MYO18B: variants seen among roughly 807,000 people sequenced by gnomAD.
MYO18B encodes the protein unconventional myosin-XVIIIb.
Under a neutral mutation model 273.0 loss-of-function variants are expected in MYO18B, and 204 were observed. That is an observed-to-expected ratio of 0.75 (90% CI 0.67 to 0.84). The LOEUF (loss-of-function observed/expected upper bound fraction) is 0.84, where lower values mean the gene tolerates loss of function less well. Ranked by LOEUF, MYO18B falls within the 40% of genes least tolerant of loss-of-function variation. The probability of loss-of-function intolerance (pLI) is 0.00; values close to 1 mark genes in which losing one functional copy is unlikely to be tolerated. For missense variants in MYO18B, 3,212 were observed against 3,287.6 expected, an observed-to-expected ratio of 0.98 and a Z score of 0.56; for synonymous variants, 1,330 against 1,305.7, an observed-to-expected ratio of 1.02 and a Z score of -0.40.
At chr22:25,867,339 GT>G (rs1487602172) in intron 21 of MYO18B, among the ~76,000 whole-genome samples, 1 of 152,070 alleles carries the variant, frequency 6.6e-6, no homozygotes, top group Non-Finnish European at 1.5e-5. Flanking sequence ...CATGAATTTG[GT>G]TACTCTAAGT....
intron 25 of MYO18B, among the ~76,000 whole-genome samples, chr22:25,878,305 A>T (rs566976149): frequency 6.6e-6 from 1 of 152,286 alleles, no homozygotes; most frequent in Admixed American, 6.5e-5. Flanking sequence ...CCTGGTTCCA[A>T]AGGGGAGAAT....
intron 10 of MYO18B, among the ~76,000 whole-genome samples, chr22:25,782,037 G>T (rs950619204): frequency 3.3e-5 from 5 of 151,544 alleles, no homozygotes; most frequent in South Asian, 4.2e-4. Flanking sequence ...ACCCTGAGCC[G>T]CGGTTTCTTC....
chr22:25,770,202 G>A, intron 5 of MYO18B, 26 bp downstream of exon 5: 4 of 1,610,378 alleles, frequency 2.5e-6, no homozygotes, highest in Non-Finnish European at 3.4e-6. Context: ...AGCACCTTTG[G>A]AGGGTCTGAG....
At chr22:25,971,241 A>G (rs903144576) in intron 39 of MYO18B, among the ~76,000 whole-genome samples, 1 of 152,234 alleles carries the variant, frequency 6.6e-6, no homozygotes, top group African/African-American at 2.4e-5. Context: ...GTAGTTGGCC[A>G]ACTCTTGCTC....
intron 28 of MYO18B, chr22:25,897,263 T>G (rs1465953703): frequency 1.3e-5 from 2 of 152,248 alleles, no homozygotes; most frequent in African/African-American, 4.8e-5. Context: ...GTGTATCTAT[T>G]CTATTCTCAA....
At chr22:25,747,885 C>T (rs1427653162) in intron 1 of MYO18B, among the ~76,000 whole-genome samples, 2 of 152,162 alleles carry the variant, frequency 1.3e-5, no homozygotes, top group Non-Finnish European at 2.9e-5. Context: ...CCCCATTTGA[C>T]AGACAGAGGA....
intron 15 of MYO18B, among the ~76,000 whole-genome samples, chr22:25,830,947 A>G (rs779064318): frequency 6.6e-5 from 10 of 152,230 alleles, no homozygotes; most frequent in Non-Finnish European, 1.3e-4. Context: ...TATTTTTCCC[A>G]TAATATTTCA....
Position 25,878,329 on chromosome 22 carries a change from C to T in MYO18B, c.4314+281C>T, listed in dbSNP as rs527854400. ...AAAGGGGAGAATTTCTTAAATAAGT[C>T]ACAAAAGCACAAATCATAGGGAAAA... On this transcript the variant is annotated intron_variant, in intron 25 of 43. Transcript: ENST00000335473. Among the ~76,000 whole-genome samples the T allele has an allele frequency of 5.3e-5, 8 of 152,148 alleles. No homozygotes were observed. The South Asian group carries it at 8.3e-4, about 16-fold the overall frequency.
chr22:25,909,847 T>C (rs1417966716), intron 32 of MYO18B, among the ~76,000 whole-genome samples: 2 of 152,092 alleles, frequency 1.3e-5, no homozygotes, highest in African/African-American at 4.8e-5. Context: ...CTGTCTGGGG[T>C]GGCAGAAAGA....
At chr22:25,822,013 A>T (rs932715776) in intron 12 of MYO18B, among the ~76,000 whole-genome samples, 1 of 152,304 alleles carries the variant, frequency 6.6e-6, no homozygotes, top group Non-Finnish European at 1.5e-5. Context: ...TTCACTTAGC[A>T]TTCAGGTGTA....
chr22:25,816,016 G>T (rs2145852477), intron 12 of MYO18B, among the ~76,000 whole-genome samples: 1 of 152,308 alleles, frequency 6.6e-6, no homozygotes, highest in East Asian at 1.9e-4. Context: ...AACCCAGTCA[G>T]GTGGAACAAT....
intron 17 of MYO18B, 25 bp from the exon 18 acceptor site, chr22:25,843,710 C>G: frequency 1.2e-6 from 2 of 1,604,962 alleles, no homozygotes; most frequent in Middle Eastern, 1.7e-4. Context: ...GGCTCCAGCA[C>G]TCATGCCACC....
chr22:25,917,491 T>C lies in MYO18B; in HGVS notation c.5365-3766T>C, dbSNP rs151155961. On this transcript the variant is annotated intron_variant, in intron 33 of 43. Transcript: ENST00000335473. ...GCCTTATTTTATTTCGCTTGATTTA[T>C]TTTAGTCAGTTTACCTGCAAGACTT... Among the ~76,000 whole-genome samples, 1,046 of 152,202 alleles carry C rather than the reference T, an allele frequency of 6.9e-3. 15 individuals carry two copies. Among genetic ancestry groups the C allele is most frequent in the African/African-American group, 0.024 (995 of 41,534 alleles).
In MYO18B at chr22:25,826,504, C is replaced by T. The variant is rs537413306; in HGVS notation, c.2786+5C>T. 2.5e-5 allele frequency: 41 copies of T among 1,611,828 alleles called. No individual in the cohort carries two copies. Among genetic ancestry groups the T allele is most frequent in the South Asian group, 1.8e-4 (16 of 90,902 alleles). On this transcript the variant is annotated splice_donor_5th_base_variant and intron_variant, in intron 14 of 43. Coordinates refer to ENST00000335473, the MANE Select transcript of MYO18B (RefSeq NM_032608.7). ...TGTGGTCTCACTCATCAACAGGTAA[C>T]GGGGCCTTTTCCTAGGCACACAGTT...
At chr22:25,997,330 AC>A (rs1933387387) in intron 40 of MYO18B, among the ~76,000 whole-genome samples, 11 of 141,070 alleles carry the variant, frequency 7.8e-5, no homozygotes, top group African/African-American at 1.4e-4. Context: ...AAAAAAAAAA[AC>A]GAAGGAAAAA....
intron 40 of MYO18B, among the ~76,000 whole-genome samples, chr22:25,997,010 A>C (rs576133935): frequency 6.6e-6 from 1 of 152,266 alleles, no homozygotes; most frequent in Non-Finnish European, 1.5e-5. Flanking sequence ...CGTCATTTGT[A>C]GGGTTCAGTG....
chr22:26,015,470 A>G (rs1447253959), intron 42 of MYO18B, among the ~76,000 whole-genome samples: 1 of 152,366 alleles, frequency 6.6e-6, no homozygotes. Flanking sequence ...CTATGCAGCC[A>G]TAAAAAAGAA....
At chr22:25,846,985 C>G (rs1419270094) in intron 19 of MYO18B, among the ~76,000 whole-genome samples, 1 of 151,256 alleles carries the variant, frequency 6.6e-6, no homozygotes, top group Non-Finnish European at 1.5e-5. Context: ...GAGGCTGAGG[C>G]AGGAGAATTG....
chr22:25,761,123 G>T lies in MYO18B; in HGVS notation c.31G>T (p.Glu11Ter), dbSNP rs757976244. The T allele has an allele frequency of 4.2e-5, 68 of 1,613,240 alleles. No individual in the cohort carries two copies. Among genetic ancestry groups the T allele is most frequent in the South Asian group, 2.5e-4 (23 of 91,088 alleles). Residue 11 changes from glutamate to a stop codon, truncating the protein, a stop_gained, in exon 2 of 44, where the codon GAG (glutamate) becomes TAG (stop). Coordinates refer to ENST00000335473, the MANE Select transcript of MYO18B (RefSeq NM_032608.7). LOFTEE classifies it high-confidence loss of function. ...CATCTCATCACGCCTCGCCCTGTGGGAGCAGAAGGAAAGTGACACTCATGG... is the reference window on the plus strand; with the variant it reads ...CATCTCATCACGCCTCGCCCTGTGGTAGCAGAAGGAAAGTGACACTCATGG... Reference protein sequence around the residue: MAISSRLALWEQKIREEDKSP... With the variant: MAISSRLALW
Sources: gnomAD v4.1 joint callset for allele counts (sites outside exome capture counted in the v4.1 genomes callset) on GRCh38, gnomAD v4.1.1 for gene constraint, MANE v1.5 for transcripts, NCBI Gene and HGNC (gene_info 2026-07-23, HGNC 2026-07-21) for gene names.